Variants in CREB1 observed in about 807,000 individuals in gnomAD.
The protein encoded by CREB1 is cyclic AMP-responsive element-binding protein 1.
CREB1 carries 2 observed loss-of-function variants against 42.0 expected under a neutral mutation model. The observed-to-expected ratio is 0.05, with a 90% confidence interval of 0.02 to 0.15. The LOEUF is 0.15. CREB1 is among the 10% of genes least tolerant of loss of function. CREB1 has a pLI of 1.00. For synonymous variants in CREB1, 123 were observed against 139.9 expected (o/e 0.88, Z 0.85); for missense variants, 199 against 388.9 (o/e 0.51, Z 4.11).
At chr2:207,555,249 C>G (rs1349288600) in intron 1 of CREB1, among the ~76,000 whole-genome samples, 2 of 152,170 alleles carry the variant, frequency 1.3e-5, no homozygotes, top group African/African-American at 4.8e-5. Context: ...TTCCACTCTT[C>G]TGCCATCTCT....
intron 3 of CREB1, among the ~76,000 whole-genome samples, chr2:207,566,535 A>C (rs2082147244): frequency 6.6e-6 from 1 of 152,156 alleles, no homozygotes; most frequent in African/African-American, 2.4e-5. Flanking sequence ...GCTGCTTCTG[A>C]CAAACCTGGT....
chr2:207,562,068 A>C (rs1036671271), intron 3 of CREB1, among the ~76,000 whole-genome samples: 3 of 152,234 alleles, frequency 2.0e-5, no homozygotes, highest in African/African-American at 7.2e-5. Flanking sequence ...TGATATTTCT[A>C]TGAAATCACA....
intron 1 of CREB1, among the ~76,000 whole-genome samples, chr2:207,542,335 GT>G (rs900461801): frequency 6.6e-6 from 1 of 151,758 alleles, no homozygotes; most frequent in African/African-American, 2.4e-5. Flanking sequence ...TTTTGTTTTT[GT>G]TTTTTTGTTT....
At chr2:207,530,552 C>T (rs542724270) in intron 1 of CREB1, among the ~76,000 whole-genome samples, 1 of 145,676 alleles carries the variant, frequency 6.9e-6, no homozygotes, top group African/African-American at 2.5e-5. Flanking sequence ...CCGCTCGGCC[C>T]GGCGCTGCCC....
chr2:207,575,499 A>T (rs1327099726), intron 6 of CREB1, 45 bp downstream of exon 6: 1 of 1,489,792 alleles, frequency 6.7e-7, no homozygotes, highest in African/African-American at 1.4e-5. Flanking sequence ...TCTTCAAAAT[A>T]CTAAAATTTT....
chr2:207,537,842 G>A (rs1425965835), intron 1 of CREB1, among the ~76,000 whole-genome samples: 9 of 152,008 alleles, frequency 5.9e-5, no homozygotes, highest in Non-Finnish European at 1.3e-4. Context: ...TATGAAGATA[G>A]GTTTTACAGG....
chr2:207,544,874 A>G (rs1177454067), intron 1 of CREB1, among the ~76,000 whole-genome samples: 3 of 152,178 alleles, frequency 2.0e-5, no homozygotes, highest in East Asian at 1.9e-4. Flanking sequence ...CTCCAGCTCC[A>G]TCTATGTTCA....
chr2:207,595,263 G>A (rs1215952523), intron 7 of CREB1, among the ~76,000 whole-genome samples: 3 of 151,784 alleles, frequency 2.0e-5, no homozygotes, highest in African/African-American at 7.3e-5. Flanking sequence ...CAAAGTGCTG[G>A]GATTACAGGC....
chr2:207,540,098 A>C (rs544791406), intron 1 of CREB1, among the ~76,000 whole-genome samples: 1 of 152,340 alleles, frequency 6.6e-6, no homozygotes, highest in African/African-American at 2.4e-5. Context: ...CGTTTTGGTG[A>C]ATGACAGATT....
intron 2 of CREB1, among the ~76,000 whole-genome samples, chr2:207,559,614 A>G (rs2081877489): frequency 6.6e-6 from 1 of 152,214 alleles, no homozygotes; most frequent in Non-Finnish European, 1.5e-5. Flanking sequence ...ATAGACATGT[A>G]TGATTTAAGG....
intron 7 of CREB1, among the ~76,000 whole-genome samples, chr2:207,586,091 A>C (rs1407553177): frequency 6.6e-6 from 1 of 152,178 alleles, no homozygotes; most frequent in Non-Finnish European, 1.5e-5. Flanking sequence ...AGTCAAAAAC[A>C]AAGAAAAAAT....
rs1420416160 is a variant in CREB1 at position 207,603,852 on chromosome 2, T to G, written c.*6794T>G. ...TTAATCTTTGCTTAAGCTGTAAGAA[T>G]AAAAAAGTTATCTCCTATACTATTA... On this transcript the variant is annotated 3_prime_UTR_variant, in exon 8 of 8. Transcript: ENST00000353267. 6.6e-6 allele frequency among the ~76,000 whole-genome samples: 1 copy of G among 152,172 alleles called. No individual in the cohort carries two copies. Among genetic ancestry groups the G allele is most frequent in the Non-Finnish European group, 1.5e-5 (1 of 68,026 alleles).
rs1436964918 is a variant in CREB1 at position 207,575,947 on chromosome 2, C to CAT, written c.688+493_688+494insAT. On this transcript the variant is annotated intron_variant, in intron 6 of 7. Transcript: ENST00000353267. Reference sequence around the variant, plus strand: ...TGTTTCTCTGCTTCCCCCCCCCCCCCCAAAAGAAATTTAAATCTTCTGAGA... The same window carrying CAT: ...TGTTTCTCTGCTTCCCCCCCCCCCCCATCAAAAGAAATTTAAATCTTCTGAGA... 2.3e-4 allele frequency among the ~76,000 whole-genome samples: 13 copies of CAT among 56,592 alleles called. 2 individuals carry two copies. The highest frequency in any genetic ancestry group is 4.4e-4 in the Non-Finnish European group (10 of 22,876). 37.1% of individuals were successfully genotyped at this position (56,592 alleles called of 152,430 possible).
intron 1 of CREB1, among the ~76,000 whole-genome samples, chr2:207,548,259 ACTTC>A (rs2081371596): frequency 6.6e-6 from 1 of 152,122 alleles, no homozygotes; most frequent in Non-Finnish European, 1.5e-5. Context: ...TCTGTTAAAT[ACTTC>A]CTTCAAGAAC....
intron 7 of CREB1, among the ~76,000 whole-genome samples, chr2:207,588,683 GTACATA>G (rs1426887855): frequency 6.9e-6 from 1 of 144,582 alleles, no homozygotes; most frequent in African/African-American, 2.6e-5. Flanking sequence ...CATAGATCCT[GTACATA>G]TCTTACTGGA....
chr2:207,552,029 C>G (rs529600148), intron 1 of CREB1, among the ~76,000 whole-genome samples: 86 of 84,200 alleles, frequency 1.0e-3, no homozygotes, highest in Non-Finnish European at 1.2e-3. Context: ...GCAACAAGAG[C>G]GAAACTCCGT....
At chr2:207,557,356 A>AGGG (rs1340202977) in intron 2 of CREB1, among the ~76,000 whole-genome samples, 1 of 152,132 alleles carries the variant, frequency 6.6e-6, no homozygotes, top group East Asian at 1.9e-4. Flanking sequence ...TGAGAAAGAA[A>AGGG]GGTTGGCTGA....
In CREB1 at chr2:207,549,832, A is replaced by G. The variant is rs865932644; in HGVS notation, c.-8-5796A>G. On this transcript the variant is annotated intron_variant, in intron 1 of 7. Transcript: ENST00000353267. Reference sequence around the variant, plus strand: ...CCCATCTCTACTAAAAATACAAAAAAATTGGCACACACCTGTAGTCCCAGC... The same window carrying G: ...CCCATCTCTACTAAAAATACAAAAAGATTGGCACACACCTGTAGTCCCAGC... 3.9e-5 allele frequency among the ~76,000 whole-genome samples: 6 copies of G among 152,000 alleles called. No individual in the cohort carries two copies. The South Asian group carries it at 1.0e-3, about 26-fold the overall frequency.
At chr2:207,532,473 G>A (rs1201224751) in intron 1 of CREB1, among the ~76,000 whole-genome samples, 6 of 152,000 alleles carry the variant, frequency 3.9e-5, no homozygotes, top group African/African-American at 1.4e-4. Context: ...AAGAGATCGA[G>A]ACCATCCTGG....
Sources: allele counts gnomAD v4.1 joint callset (sites outside exome capture counted in the v4.1 genomes callset), GRCh38; gene constraint gnomAD v4.1.1; transcripts MANE v1.5; gene names NCBI Gene and HGNC (gene_info 2026-07-23, HGNC 2026-07-21).